Variants in GPC5 observed in about 807,000 individuals in gnomAD.
GPC5 encodes glypican 5.
In GPC5, 47 loss-of-function variants were observed where a neutral mutation model predicts 53.9. The ratio of observed to expected loss-of-function variants is 0.87; its 90% CI spans 0.69 to 1.11. The LOEUF (loss-of-function observed/expected upper bound fraction) is 1.11. Among genes scored for constraint, GPC5 ranks in the 50% most tolerant of loss-of-function variants. The pLI is 0.00. For synonymous variants in GPC5, 286 were observed against 263.3 expected (o/e 1.09, Z -0.84); for missense variants, 748 against 713.1 (o/e 1.05, Z -0.56).
chr13:92,067,121 C>T (rs547213016), intron 6 of GPC5, among the ~76,000 whole-genome samples: 25 of 152,192 alleles, frequency 1.6e-4, no homozygotes, highest in African/African-American at 5.5e-4. Context: ...TTATTTTAAA[C>T]ATCCTATAAA....
At chr13:92,834,343 G>A (rs1878152890) in intron 7 of GPC5, among the ~76,000 whole-genome samples, 1 of 152,060 alleles carries the variant, frequency 6.6e-6, no homozygotes, top group African/African-American at 2.4e-5. Context: ...GATTTTAAAA[G>A]CGGAACTGAA....
intron 2 of GPC5, among the ~76,000 whole-genome samples, chr13:91,475,725 C>T (rs989485868): frequency 3.3e-5 from 5 of 152,082 alleles, no homozygotes. Context: ...ACTCTTCTTA[C>T]AGTTGTTGGC....
chr13:91,741,641 G>A (rs565163532), intron 4 of GPC5, among the ~76,000 whole-genome samples: 1 of 152,178 alleles, frequency 6.6e-6, no homozygotes, highest in East Asian at 1.9e-4. Flanking sequence ...AAAACATAGA[G>A]CTTATAGTTA....
At chr13:92,577,240 T>C (rs1212099495) in intron 7 of GPC5, among the ~76,000 whole-genome samples, 2 of 152,146 alleles carry the variant, frequency 1.3e-5, no homozygotes, top group Admixed American at 1.3e-4. Flanking sequence ...GAAGGTATGT[T>C]TAAAAGATAA....
rs114740406 is a variant in GPC5 at position 91,461,578 on chromosome 13, A to G, written c.325+12656A>G. On this transcript the variant is annotated intron_variant, in intron 2 of 7. Transcript: ENST00000377067. ...TTCTAGGCTACAATTAATGAGGATT[A>G]ATTGAGGTAGTCCCTGTAAAGTACT... is the stretch of plus-strand genomic sequence containing the variant. Among the ~76,000 whole-genome samples, 1,401 of 152,264 alleles carry G rather than the reference A, an allele frequency of 9.2e-3. 29 individuals are homozygous for G. The highest frequency in any genetic ancestry group is 0.032 in the African/African-American group (1,342 of 41,564).
At chr13:91,712,029 G>A (rs1030591605) in intron 3 of GPC5, among the ~76,000 whole-genome samples, 1 of 152,176 alleles carries the variant, frequency 6.6e-6, no homozygotes, top group Non-Finnish European at 1.5e-5. Context: ...GCATTTGATT[G>A]AATTAGATTT....
rs371246598 is a variant in GPC5, at chr13:91,739,137, G to A, written c.1154+10472G>A. ...TAAAAATGAAAATGTCTAAGCCATC[G>A]TTAAGTTCATGACTGAGCCCTCATT... On this transcript the variant is annotated intron_variant, in intron 4 of 7. Transcript: ENST00000377067. Among the ~76,000 whole-genome samples, 6 of 151,592 alleles carry A rather than the reference G, an allele frequency of 4.0e-5. No homozygotes were observed. The East Asian group carries it at 7.7e-4, about 19-fold the overall frequency.
chr13:92,753,953 C>T (rs376090425), intron 7 of GPC5, among the ~76,000 whole-genome samples: 5 of 151,070 alleles, frequency 3.3e-5, no homozygotes, highest in South Asian at 2.1e-4. Flanking sequence ...AGCAGGCCAA[C>T]GTTCAGATTC....
At chr13:91,450,271 T>G (rs965564214) in intron 2 of GPC5, among the ~76,000 whole-genome samples, 1 of 152,198 alleles carries the variant, frequency 6.6e-6, no homozygotes, top group Non-Finnish European at 1.5e-5. Context: ...GATATACATT[T>G]TAAACCAAGA....
intron 2 of GPC5, among the ~76,000 whole-genome samples, chr13:91,472,414 C>T (rs1882687009): frequency 6.6e-6 from 1 of 152,104 alleles, no homozygotes; most frequent in African/African-American, 2.4e-5. Context: ...ACCTTAGTTT[C>T]CTCATCTGTA....
At chr13:92,387,025 TCA>T (rs1874758619) in intron 7 of GPC5, among the ~76,000 whole-genome samples, 1 of 152,070 alleles carries the variant, frequency 6.6e-6, no homozygotes. Flanking sequence ...GAATTAGAAC[TCA>T]CACTCATGTG....
intron 7 of GPC5, among the ~76,000 whole-genome samples, chr13:92,621,434 T>G (rs1041740262): frequency 6.6e-6 from 1 of 152,194 alleles, no homozygotes; most frequent in South Asian, 2.1e-4. Flanking sequence ...AATTCAACCA[T>G]ATTTTTTCTG....
intron 6 of GPC5, among the ~76,000 whole-genome samples, chr13:92,079,532 G>A (rs2041278866): frequency 6.6e-6 from 1 of 152,172 alleles, no homozygotes. Context: ...ATCATCGTGT[G>A]ATTTAAATGC....
At chr13:92,797,784 A>G (rs1420201885) in intron 7 of GPC5, among the ~76,000 whole-genome samples, 3 of 151,596 alleles carry the variant, frequency 2.0e-5, no homozygotes, top group Non-Finnish European at 4.4e-5. Context: ...ATATAGACAG[A>G]TAGATCAATA....
At chr13:92,008,133 G>A (rs1349303975) in intron 6 of GPC5, among the ~76,000 whole-genome samples, 1 of 150,304 alleles carries the variant, frequency 6.7e-6, no homozygotes, top group Non-Finnish European at 1.5e-5. Context: ...CGCAATCTCG[G>A]CTCACTGCAA....
At position 92,867,192 on chromosome 13, in the gene GPC5, C is replaced by T. The variant is rs889119772; in HGVS notation, c.*753C>T. 6.6e-6 allele frequency: 1 copy of T among 152,070 alleles called. No individual in the cohort carries two copies. Among genetic ancestry groups the T allele is most frequent in the African/African-American group, 2.4e-5 (1 of 41,422 alleles). 9.4% of individuals were successfully genotyped at this position (152,070 alleles called of 1,614,324 possible). A position where few individuals can be genotyped will look rare whatever the true frequency, so the allele number is the denominator to read the frequency against. The stretch of plus-strand genomic sequence containing the variant: ...AGCTATGTTGGGAAGCACATGCTTG[C>T]TCTAGGAATATCTCCAATAAAGCTG... On this transcript the variant is annotated 3_prime_UTR_variant, in exon 8 of 8. Transcript: ENST00000377067.
At chr13:91,816,831 T>TTACAAAA (rs1200700677) in intron 5 of GPC5, among the ~76,000 whole-genome samples, 1 of 152,156 alleles carries the variant, frequency 6.6e-6, no homozygotes, top group African/African-American at 2.4e-5. Flanking sequence ...AGCAATCATG[T>TTACAAAA]GTCTGAATCT....
intron 3 of GPC5, among the ~76,000 whole-genome samples, chr13:91,694,654 G>A (rs547983227): frequency 2.6e-4 from 40 of 152,288 alleles, no homozygotes; most frequent in Non-Finnish European, 4.7e-4. Flanking sequence ...AGGATAGCAT[G>A]CTGATGGTTC....
At chr13:92,452,403 G>A (rs532490160) in intron 7 of GPC5, among the ~76,000 whole-genome samples, 1 of 152,190 alleles carries the variant, frequency 6.6e-6, no homozygotes, top group South Asian at 2.1e-4. Flanking sequence ...TTCTTAGAAG[G>A]AGTAGAATAA....
Sources: gnomAD v4.1 joint callset for allele counts (sites outside exome capture counted in the v4.1 genomes callset) on GRCh38, gnomAD v4.1.1 for gene constraint, MANE v1.5 for transcripts, NCBI Gene and HGNC (gene_info 2026-07-23, HGNC 2026-07-21) for gene names.